The following MUC12 variants were observed in gnomAD, a reference collection of about 807,000 sequenced individuals.
The protein encoded by MUC12 is mucin 12, cell surface associated.
A neutral mutation model predicts 230.8 loss-of-function variants in MUC12; 172 were observed. The ratio of observed to expected loss-of-function variants is 0.75; its 90% CI spans 0.66 to 0.85. The LOEUF is 0.85. MUC12 is among the 40% of genes least tolerant of loss of function. MUC12 has a pLI of 0.00. For synonymous variants in MUC12, 1,259 were observed against 2,401.9 expected (o/e 0.52, Z 13.91); for missense variants, 3,506 against 5,920.6 (o/e 0.59, Z 13.38).
rs1287997569 is a variant in MUC12, at chr7:100,993,974, T to A, written c.3411T>A (p.Gly1137=). The change falls in exon 2 of 12, where the codon GGT becomes GGA. Residue 1137 remains glycine (G), a synonymous_variant. Transcript: ENST00000536621. ...CCACCACCTCCCGTAGCCAACCAGG[T>A]TCTACTCACTCAACAGTGTCACCTG... ...EESTTSRSQP[G]STHSTVSPAS... 2.9e-6 allele frequency: 4 copies of A among 1,368,376 alleles called. No homozygotes were observed. The highest frequency in any genetic ancestry group is 4.5e-5 in the Admixed American group (2 of 44,386). The allele number at this position is 1,368,376 out of a possible 1,614,324, so 84.8% of individuals were successfully genotyped here.
intron 9 of MUC12, 75 bp from the exon 10 acceptor site, chr7:101,015,540 A>G: frequency 7.8e-7 from 1 of 1,274,798 alleles, no homozygotes; most frequent in Admixed American, 2.0e-5. Flanking sequence ...CCTCGAGGGA[A>G]GCTGAAGGTC....
chr7:101,012,206 T>C (rs1227607103), intron 5 of MUC12, 90 bp from the exon 6 acceptor site: 3 of 1,401,954 alleles, frequency 2.1e-6, no homozygotes, highest in African/African-American at 2.9e-5. Flanking sequence ...ACATGGCAGC[T>C]TCATCTCCCA....
rs1455604047 is a variant in MUC12 at position 101,004,899 on chromosome 7, C to T, written c.14336C>T (p.Thr4779Ile). The T allele has an allele frequency of 2.8e-5, 43 of 1,537,794 alleles. No individual in the cohort carries two copies. Among genetic ancestry groups the T allele is most frequent in the Non-Finnish European group, 3.7e-5 (42 of 1,147,076 alleles). ...AGCCAAGCAGAGTCAACACACACAACAGCGTTCCCTGCCAGCACCACCACC... is the reference window on the plus strand; with the variant it reads ...AGCCAAGCAGAGTCAACACACACAATAGCGTTCCCTGCCAGCACCACCACC... The part of the protein sequence containing the change: ...LYSQAESTHT[T>I]AFPASTTTSG... Residue 4779 changes from threonine (T) to isoleucine (I), a missense_variant, in exon 2 of 12, where the codon ACA becomes ATA. By Grantham distance (89) the Thr-to-Ile change is moderately conservative. Transcript: ENST00000536621.
intron 1 of MUC12, among the ~76,000 whole-genome samples, chr7:100,983,025 A>G (rs948051040): frequency 6.6e-6 from 1 of 151,918 alleles, no homozygotes; most frequent in African/African-American, 2.4e-5. Flanking sequence ...ATGAGCCACC[A>G]CACCTGGTCA....
rs1384909864 is a variant in MUC12, at chr7:101,005,160, C to T, written c.14597C>T (p.Ser4866Phe). 2 of 1,537,980 alleles carry T rather than the reference C, an allele frequency of 1.3e-6. No individual in the cohort carries two copies. Among genetic ancestry groups the T allele is most frequent in the South Asian group, 2.4e-5 (2 of 84,064 alleles). The change falls in exon 2 of 12, where the codon TCT (serine) becomes TTT (phenylalanine). Residue 4866 changes from serine (S) to phenylalanine (F), a missense_variant. Transcript: ENST00000536621. Reference sequence around the variant, plus strand: ...GGCTCAACTGAAACCACAGCGTTTTCTCACAGCAACACAATGTCCATTCAT... The same window carrying T: ...GGCTCAACTGAAACCACAGCGTTTTTTCACAGCAACACAATGTCCATTCAT... ...SPGSTETTAFSHSNTMSIHSQ... is the reference protein window; with the variant it reads ...SPGSTETTAFFHSNTMSIHSQ...
rs558171575 is a variant in MUC12, at chr7:100,974,739, T to C, written c.67+5050T>C. Among the ~76,000 whole-genome samples the C allele has an allele frequency of 5.2e-5, 8 of 152,406 alleles. No homozygotes were observed. In the South Asian group the frequency reaches 1.2e-3, roughly 24 times the overall value. ...ACTTGGGAGGCTGAGATAGGAGGAA[T>C]GCTTGAGCCCAGGAGGTCGAGACTG... On this transcript the variant is annotated intron_variant, in intron 1 of 11. Transcript: ENST00000536621.
chr7:100,990,581 G>C lies in MUC12; in HGVS notation c.68-50G>C, dbSNP rs1015845515. 3 of 1,533,932 alleles carry C rather than the reference G, an allele frequency of 2.0e-6. No homozygotes were observed. In the African/African-American group the frequency reaches 4.1e-5, roughly 21 times the overall value. The stretch of plus-strand genomic sequence containing the variant: ...CAGAATTGACTGCCACCAAACATGA[G>C]GAGACAGTCATAAATCATAGCACTT... On this transcript the variant is annotated intron_variant, in intron 1 of 11. Coordinates refer to ENST00000536621, the MANE Select transcript of MUC12 (RefSeq NM_001164462.2).
intron 5 of MUC12, among the ~76,000 whole-genome samples, chr7:101,010,292 A>G (rs1793821195): frequency 6.6e-6 from 1 of 152,082 alleles, no homozygotes; most frequent in Non-Finnish European, 1.5e-5. Context: ...GCCCAGCCAC[A>G]TGGAGTGGTT....
rs567285004 is a variant in MUC12, at chr7:101,007,260, T to C, written c.15058+688T>C. 2.5e-3 allele frequency among the ~76,000 whole-genome samples: 388 copies of C among 152,274 alleles called. 3 individuals carry two copies. Among genetic ancestry groups the C allele is most frequent in the African/African-American group, 9.0e-3 (373 of 41,558 alleles). On this transcript the variant is annotated intron_variant, in intron 3 of 11. Coordinates refer to ENST00000536621, the MANE Select transcript of MUC12 (RefSeq NM_001164462.2). ...AGGCATGAGCCATCGCGCCCAGCTA[T>C]TTTAGTTGTTTTTAAATGTTCAATT...
At chr7:101,012,620 C>T (rs1470655790) in intron 6 of MUC12, among the ~76,000 whole-genome samples, 173 bp downstream of exon 6, 1 of 152,106 alleles carries the variant, frequency 6.6e-6, no homozygotes, top group African/African-American at 2.4e-5. Context: ...CCAACAGCCC[C>T]CTCTCGGTCC....
At position 100,991,753 on chromosome 7, in the gene MUC12, A is replaced by C; in HGVS notation, c.1190A>C (p.Lys397Thr). 2 of 1,537,374 alleles carry C rather than the reference A, an allele frequency of 1.3e-6. No individual in the cohort carries two copies. Among genetic ancestry groups the C allele is most frequent in the Non-Finnish European group, 1.7e-6 (2 of 1,147,006 alleles). Residue 397 changes from lysine (K) to threonine (T), a missense_variant, in exon 2 of 12, where the codon AAA (lysine) becomes ACA (threonine). Physicochemically the swap from Lys to Thr is moderately conservative, Grantham distance 78. Transcript: ENST00000536621. Reference sequence around the variant, plus strand: ...TTCCACGGCAGCACAACACACACAAAATCTTCAACTCCTAGCACCACAGCT... The same window carrying C: ...TTCCACGGCAGCACAACACACACAACATCTTCAACTCCTAGCACCACAGCT... ...ATFHGSTTHT[K>T]SSTPSTTAAL...
At chr7:100,986,172 C>A (rs1793185596) in intron 1 of MUC12, among the ~76,000 whole-genome samples, 1 of 151,994 alleles carries the variant, frequency 6.6e-6, no homozygotes, top group African/African-American at 2.4e-5. Context: ...CTGGCCTGGG[C>A]AACATAGCAA....
Position 100,997,401 on chromosome 7 carries a change from C to T in MUC12, c.6838C>T (p.His2280Tyr), listed in dbSNP as rs781549662. Residue 2280 changes from histidine (H) to tyrosine (Y), a missense_variant, in exon 2 of 12, where the codon CAC becomes TAC. His to Tyr is a moderately conservative substitution (Grantham distance 83). Coordinates refer to ENST00000536621, the MANE Select transcript of MUC12 (RefSeq NM_001164462.2). ...TTFHSRPAST[H>Y]TTLFTEDSTT... Reference sequence around the variant, plus strand: ...CTTCCACAGCCGGCCAGCCTCAACTCACACAACACTGTTCACTGAGGACAG... The same window carrying T: ...CTTCCACAGCCGGCCAGCCTCAACTTACACAACACTGTTCACTGAGGACAG... The T allele has an allele frequency of 1.1e-4, 29 of 274,202 alleles. 1 individual carries two copies. In the South Asian group the frequency reaches 2.5e-3, roughly 23 times the overall value. The allele number at this position is 274,202 out of a possible 1,614,324, so 17.0% of individuals were successfully genotyped here.
At position 100,991,265 on chromosome 7, in the gene MUC12, AC is replaced by A; in HGVS notation, c.703del (p.Arg235AlafsTer173). On this transcript the variant is annotated frameshift_variant, in exon 2 of 12. Transcript: ENST00000536621. LOFTEE classifies it high-confidence loss of function. ...HSSPGYTKTT[R>X]LPDNTTTSGL... Reference sequence around the variant, plus strand: ...GCAGCCCAGGCTACACTAAAACAACACGCTTACCTGACAACACCACAACCTC... The same window carrying A: ...GCAGCCCAGGCTACACTAAAACAACAGCTTACCTGACAACACCACAACCTC... 6.5e-7 allele frequency: 1 copy of A among 1,537,458 alleles called. No homozygotes were observed. The highest frequency in any genetic ancestry group is 8.7e-7 in the Non-Finnish European group (1 of 1,146,962).
chr7:100,994,770 T>G lies in MUC12; in HGVS notation c.4207T>G (p.Ser1403Ala). Residue 1403 changes from serine (S) to alanine (A), a missense_variant, in exon 2 of 12, where the codon TCA (serine) becomes GCA (alanine). Coordinates refer to ENST00000536621, the MANE Select transcript of MUC12 (RefSeq NM_001164462.2). ...ACTCTTACCTGACGACACCATAACC[T>G]CAGGCCTCGTGGAGGCATCTACACC... ...TTLLPDDTIT[S>A]GLVEASTPTH... is the part of the protein sequence containing the mutation. The G allele has an allele frequency of 1.4e-6, 1 of 733,692 alleles. No homozygotes were observed. The highest frequency in any genetic ancestry group is 2.0e-6 in the Non-Finnish European group (1 of 495,028). 45.4% of individuals were successfully genotyped at this position (733,692 alleles called of 1,614,324 possible).
rs375840821 is a variant in MUC12, at chr7:100,992,114, C to T, written c.1551C>T (p.Val517=). ...CTGCCAGCATGACAAGCTCAGGCGT[C>T]AGTGAAGAATCCACCACCTCCCACA... ...HLPASMTSSG[V]SEESTTSHSR... The change falls in exon 2 of 12, where the codon GTC becomes GTT. Residue 517 remains valine (V), a synonymous_variant. Transcript: ENST00000536621. 2.7e-4 allele frequency: 418 copies of T among 1,537,316 alleles called. 1 individual carries two copies. In the African/African-American group the frequency reaches 5.2e-3, roughly 19 times the overall value.
chr7:100,989,216 C>T (rs1415799432), intron 1 of MUC12, among the ~76,000 whole-genome samples: 1 of 150,184 alleles, frequency 6.7e-6, no homozygotes, highest in Non-Finnish European at 1.5e-5. Context: ...TCAAGTGATT[C>T]TCCTGCCTCA....
Position 101,017,644 on chromosome 7 carries a change from CTG to C in MUC12, c.15949_15950del (p.Val5317Ter), listed in dbSNP as rs2116369205. 1 of 1,536,086 alleles carries C rather than the reference CTG, an allele frequency of 6.5e-7. No individual in the cohort carries two copies. The highest frequency in any genetic ancestry group is 2.4e-5 in the East Asian group (1 of 40,910). Reference sequence around the variant, plus strand: ...AACAACTTCCGGCCCACCCTGGAGACTGTTGACTCTGGCACAGAGGTGACTCA... The same window carrying C: ...AACAACTTCCGGCCCACCCTGGAGACTTGACTCTGGCACAGAGGTGACTCA... On this transcript the variant is annotated frameshift_variant, in exon 11 of 12. Coordinates refer to ENST00000536621, the MANE Select transcript of MUC12 (RefSeq NM_001164462.2). LOFTEE classifies it low-confidence loss of function (END_TRUNC).
chr7:100,972,796 G>A (rs933966690), intron 1 of MUC12: 17 of 691,644 alleles, frequency 2.5e-5, no homozygotes, highest in Admixed American at 1.2e-4. Context: ...GCGAGCCACC[G>A]CATCTGGCCC....
Sources: allele counts gnomAD v4.1 joint callset (sites outside exome capture counted in the v4.1 genomes callset), GRCh38; gene constraint gnomAD v4.1.1; transcripts MANE v1.5; gene names NCBI Gene and HGNC (gene_info 2026-07-23, HGNC 2026-07-21).